Variants in LAMC2 observed in about 807,000 individuals in gnomAD.
LAMC2 encodes the protein laminin subunit gamma 2, also known as laminin subunit gamma-2.
LAMC2 carries 97 observed loss-of-function variants against 140.2 expected under a neutral mutation model. The observed-to-expected ratio is 0.69, with a 90% CI of 0.59 to 0.82. LAMC2 has a LOEUF of 0.82. Among genes scored for constraint, LAMC2 ranks in the 40% least tolerant of loss-of-function variants. LAMC2 has a pLI of 0.00. For synonymous variants in LAMC2, 513 were observed against 540.2 expected (o/e 0.95, Z 0.70); for missense variants, 1,402 against 1,476.1 (o/e 0.95, Z 0.82).
intron 5 of LAMC2, among the ~76,000 whole-genome samples, chr1:183,221,563 C>T (rs60221707): frequency 6.6e-6 from 1 of 151,898 alleles, no homozygotes. Context: ...CCCGTCCCTA[C>T]TAAAAATACA....
chr1:183,233,475 G>A (rs1659857174), intron 14 of LAMC2, among the ~76,000 whole-genome samples: 3 of 152,200 alleles, frequency 2.0e-5, no homozygotes, highest in South Asian at 4.1e-4. Flanking sequence ...AATAAAGAAG[G>A]TTATGGTAAC....
At chr1:183,232,141 G>A in intron 12 of LAMC2, 46 bp from the exon 13 acceptor site, 1 of 1,609,482 alleles carries the variant, frequency 6.2e-7, no homozygotes, top group Non-Finnish European at 8.5e-7. Context: ...GATCCCTTGG[G>A]TACATGGTCT....
At chr1:183,227,479 C>G in intron 9 of LAMC2, 36 bp from the exon 10 acceptor site, 1 of 1,568,208 alleles carries the variant, frequency 6.4e-7, no homozygotes, top group Non-Finnish European at 8.8e-7. Context: ...TGACCCTGCT[C>G]ACTTCTCTGC....
chr1:183,256,919 T>A, the LAMC2 span, among the ~76,000 whole-genome samples: 6 of 151,932 alleles, frequency 3.9e-5, no homozygotes, highest in Non-Finnish European at 8.8e-5. Flanking sequence ...GCCTGGATAA[T>A]TTTTGTATTT....
At chr1:183,211,369 G>A (rs1036087013) in intron 2 of LAMC2, among the ~76,000 whole-genome samples, 22 of 152,266 alleles carry the variant, frequency 1.4e-4, no homozygotes, top group African/African-American at 5.1e-4. Flanking sequence ...TATCTTTGAT[G>A]CTTACAGTGT....
intron 1 of LAMC2, among the ~76,000 whole-genome samples, chr1:183,188,423 T>G (rs2102158724): frequency 6.6e-6 from 1 of 152,320 alleles, no homozygotes; most frequent in African/African-American, 2.4e-5. Flanking sequence ...TTCCTTGCAG[T>G]AGAAATTATG....
chr1:183,206,227 G>A (rs1658879514), intron 1 of LAMC2, among the ~76,000 whole-genome samples: 2 of 152,230 alleles, frequency 1.3e-5, no homozygotes, highest in Middle Eastern at 3.2e-3. Flanking sequence ...CGAATGTAAA[G>A]TCCTAGAAAC....
In LAMC2 at chr1:183,189,286, G is replaced by A. The variant is rs12567919; in HGVS notation, c.79+2855G>A. 4.5e-4 allele frequency among the ~76,000 whole-genome samples: 68 copies of A among 152,240 alleles called. No homozygotes were observed. In the East Asian group the frequency reaches 0.013, roughly 29 times the overall value. ...TTAGACAGTGATGCCATTAAAGGATGAGGACTATAAAAGAAGGATCAGTCT... is the reference window on the plus strand; with the variant it reads ...TTAGACAGTGATGCCATTAAAGGATAAGGACTATAAAAGAAGGATCAGTCT... On this transcript the variant is annotated intron_variant, in intron 1 of 22. Coordinates refer to ENST00000264144, the MANE Select transcript of LAMC2 (RefSeq NM_005562.3).
chr1:183,239,909 C>A (rs1187781816), intron 20 of LAMC2, 131 bp from the exon 21 acceptor site: 2 of 970,786 alleles, frequency 2.1e-6, no homozygotes, highest in African/African-American at 3.2e-5. Flanking sequence ...AAGTCTGATT[C>A]TCTCATTATT....
At chr1:183,254,430 G>T in the LAMC2 span, among the ~76,000 whole-genome samples, 2 of 151,908 alleles carry the variant, frequency 1.3e-5, no homozygotes, top group East Asian at 1.9e-4. Context: ...TTGTTTGTTT[G>T]TTTGTTTGTT....
the LAMC2 span, among the ~76,000 whole-genome samples, chr1:183,255,258 C>T: frequency 1.3e-5 from 2 of 152,162 alleles, no homozygotes; most frequent in Admixed American, 6.5e-5. Flanking sequence ...GCTCACTATT[C>T]GGTTCCACTG....
chr1:183,210,629 A>C (rs1251956700), intron 2 of LAMC2, among the ~76,000 whole-genome samples: 2 of 152,266 alleles, frequency 1.3e-5, no homozygotes, highest in African/African-American at 4.8e-5. Flanking sequence ...TCAATGCCCA[A>C]AAGCAGACAA....
In LAMC2 at chr1:183,220,920, C is replaced by A. The variant is rs138266625; in HGVS notation, c.599C>A (p.Ala200Glu). The change falls in exon 5 of 23, where the codon GCA (alanine) becomes GAA (glutamate). Residue 200 changes from alanine to glutamate, a missense_variant. Physicochemically the swap from Ala to Glu is moderately radical, Grantham distance 107. Coordinates refer to ENST00000264144, the MANE Select transcript of LAMC2 (RefSeq NM_005562.3). ...YGHSASCRSS[A>E]EYSVHKITST... The stretch of plus-strand genomic sequence containing the variant: ...CATTCAGCCAGCTGCCGCAGCTCTG[C>A]AGAATACAGTGTCCATAAGATCACC... 5.2e-4 allele frequency: 843 copies of A among 1,614,094 alleles called. 3 individuals carry two copies. Among genetic ancestry groups the A allele is most frequent in the Middle Eastern group, 4.0e-3 (24 of 6,062 alleles).
At chr1:183,239,021 T>G (rs1221452674) in intron 19 of LAMC2, among the ~76,000 whole-genome samples, 1 of 152,238 alleles carries the variant, frequency 6.6e-6, no homozygotes, top group Admixed American at 6.5e-5. Context: ...CATTCAAACC[T>G]AACCCCAATT....
intron 4 of LAMC2, 67 bp from the exon 5 acceptor site, chr1:183,220,758 T>C (rs1331492197): frequency 8.8e-6 from 13 of 1,478,630 alleles, no homozygotes; most frequent in Non-Finnish European, 1.2e-5. Context: ...GCTGACTCAT[T>C]CATCATATTT....
intron 6 of LAMC2, 92 bp from the exon 7 acceptor site, chr1:183,223,043 C>T (rs1207356229): frequency 8.5e-7 from 1 of 1,171,696 alleles, no homozygotes; most frequent in African/African-American, 1.5e-5. Context: ...CACAGGACTT[C>T]AACAGAAATT....
chr1:183,242,928 T>A (rs1005133713), intron 22 of LAMC2, among the ~76,000 whole-genome samples: 4 of 151,864 alleles, frequency 2.6e-5, no homozygotes, highest in Non-Finnish European at 5.9e-5. Flanking sequence ...TAGCTCAGAG[T>A]CTTGAACAGT....
chr1:183,232,821 G>C lies in LAMC2; in HGVS notation c.2184G>C (p.Leu728=), dbSNP rs1410140230. 1.2e-6 allele frequency: 2 copies of C among 1,614,104 alleles called. No individual in the cohort carries two copies. Among genetic ancestry groups the C allele is most frequent in the Non-Finnish European group, 8.5e-7 (1 of 1,179,974 alleles). ...DTHRLITQMQ[L]SLAESEASLG... ...ACAGGCTCATCACTCAGATGCAGCT[G>C]AGCCTGGCAGAAAGTGAAGCTTCCT... Residue 728 remains leucine (L), a synonymous_variant, in exon 14 of 23, where the codon CTG becomes CTC. Coordinates refer to ENST00000264144, the MANE Select transcript of LAMC2 (RefSeq NM_005562.3).
At chr1:183,204,383 T>C (rs1658816365) in intron 1 of LAMC2, among the ~76,000 whole-genome samples, 1 of 150,864 alleles carries the variant, frequency 6.6e-6, no homozygotes, top group Non-Finnish European at 1.5e-5. Context: ...ATTGCTTGAA[T>C]CCAGGAGTTT....
Sources: gnomAD v4.1 joint callset for allele counts (sites outside exome capture counted in the v4.1 genomes callset) on GRCh38, gnomAD v4.1.1 for gene constraint, MANE v1.5 for transcripts, NCBI Gene and HGNC (gene_info 2026-07-23, HGNC 2026-07-21) for gene names.